SPINDOC: variants seen among roughly 807,000 people sequenced by gnomAD.
SPINDOC encodes the protein spindlin interactor and repressor of chromatin-binding protein.
A neutral mutation model predicts 30.7 loss-of-function variants in SPINDOC; 13 were observed. That is an observed-to-expected ratio of 0.42 (90% CI 0.28 to 0.67). The LOEUF is 0.67. SPINDOC is among the 30% of genes least tolerant of loss of function. SPINDOC has a pLI of 0.22. For synonymous variants in SPINDOC, 228 were observed against 211.4 expected (o/e 1.08, Z -0.68); for missense variants, 438 against 518.0 (o/e 0.85, Z 1.50).
intron 5 of SPINDOC, chr11:63,823,064 G>A: frequency 8.7e-7 from 1 of 1,152,360 alleles, no homozygotes; most frequent in Non-Finnish European, 1.2e-6. Context: ...CCTGGAGCCT[G>A]TGCCCGAGGG....
In SPINDOC at chr11:63,813,775, T is replaced by A; in HGVS notation, c.89T>A (p.Val30Glu). 6.3e-7 allele frequency: 1 copy of A among 1,590,570 alleles called. No homozygotes were observed. The highest frequency in any genetic ancestry group is 8.5e-7 in the Non-Finnish European group (1 of 1,169,630). The change falls in exon 1 of 6, where the codon GTG (valine) becomes GAG (glutamate). Residue 30 changes from valine to glutamate, a missense_variant. By Grantham distance (121) the Val-to-Glu change is moderately radical (BLOSUM62 -2). Transcript: ENST00000294244. ...GGGGAGGACGAGGAGGAGGCCATGG[T>A]GGTGGCCGTAATTCCGCGGCCCGAG... ...EEGEDEEEAM[V>E]VAVIPRPEPM... is the part of the protein sequence containing the mutation.
At chr11:63,815,144 G>C (rs1486858650) in intron 1 of SPINDOC, among the ~76,000 whole-genome samples, 1 of 152,248 alleles carries the variant, frequency 6.6e-6, no homozygotes, top group Non-Finnish European at 1.5e-5. Context: ...AAAGGAGAAA[G>C]AGGAGGAATG....
chr11:63,817,769 C>CT, intron 1 of SPINDOC, 36 bp from the exon 2 acceptor site: 1 of 1,505,892 alleles, frequency 6.6e-7, no homozygotes, highest in Non-Finnish European at 8.9e-7. Context: ...TTGTGGGCAC[C>CT]TTTAGTGATA....
intron 1 of SPINDOC, 41 bp downstream of exon 1, chr11:63,813,854 G>A (rs551061863): frequency 2.7e-6 from 4 of 1,478,706 alleles, no homozygotes; most frequent in East Asian, 5.4e-5. Flanking sequence ...CACGGTGCGG[G>A]GCCGGGGCTG....
chr11:63,813,893 G>T, intron 1 of SPINDOC, 80 bp downstream of exon 1: 1 of 1,402,756 alleles, frequency 7.1e-7, no homozygotes, highest in Non-Finnish European at 9.3e-7. Flanking sequence ...CGGGGTCCGG[G>T]ACCCGGGCAC....
At chr11:63,822,766 G>A in intron 5 of SPINDOC, 1 of 1,288,914 alleles carries the variant, frequency 7.8e-7, no homozygotes, top group Non-Finnish European at 1.0e-6. Context: ...CTGTCTAATG[G>A]GTCTTCTGAT....
At chr11:63,821,142 C>T (rs1275503411) in intron 5 of SPINDOC, among the ~76,000 whole-genome samples, 5 of 152,148 alleles carry the variant, frequency 3.3e-5, no homozygotes, top group Admixed American at 1.3e-4. Context: ...AAGCTGTTGG[C>T]AGGGCTGTGT....
In SPINDOC at chr11:63,826,923, C is replaced by T; in HGVS notation, c.935-5C>T. The stretch of plus-strand genomic sequence containing the variant: ...TGACTGCTCTCTGCTCTCATCCCTG[C>T]CCAGCTCCCCCTCCGGGGCTCCGCG... On this transcript the variant is annotated splice_polypyrimidine_tract_variant and splice_region_variant and intron_variant, in intron 5 of 5. Coordinates refer to ENST00000294244, the MANE Select transcript of SPINDOC (RefSeq NM_138471.3). 6.9e-7 allele frequency: 1 copy of T among 1,441,676 alleles called. No homozygotes were observed. The highest frequency in any genetic ancestry group is 9.7e-7 in the Non-Finnish European group (1 of 1,026,416). The allele number at this position is 1,441,676 out of a possible 1,614,324, so 89.3% of individuals were successfully genotyped here.
chr11:63,822,507 T>C, intron 5 of SPINDOC: 1 of 862,048 alleles, frequency 1.2e-6, no homozygotes, highest in South Asian at 1.4e-5. Context: ...CAGAGAGAGC[T>C]CTCTGTGTGT....
At chr11:63,825,255 C>T (rs1213902200) in intron 5 of SPINDOC, among the ~76,000 whole-genome samples, 1 of 152,200 alleles carries the variant, frequency 6.6e-6, no homozygotes, top group African/African-American at 2.4e-5. Flanking sequence ...TCTCCCCCCA[C>T]ATCCCGCTCC....
chr11:63,822,438 C>T (rs771862628), intron 5 of SPINDOC, among the ~76,000 whole-genome samples: 1 of 151,926 alleles, frequency 6.6e-6, no homozygotes, highest in Non-Finnish European at 1.5e-5. Flanking sequence ...CCACTCACCC[C>T]TCACAAAGTT....
intron 5 of SPINDOC, among the ~76,000 whole-genome samples, chr11:63,824,749 G>A (rs939635498): frequency 6.9e-6 from 1 of 144,028 alleles, no homozygotes; most frequent in African/African-American, 2.5e-5. Flanking sequence ...TGGCGACAGA[G>A]CGAGACTCCA....
At position 63,818,797 on chromosome 11, in the gene SPINDOC, TC is replaced by T; in HGVS notation, c.734-3del. 1 of 1,613,616 alleles carries T rather than the reference TC, an allele frequency of 6.2e-7. No homozygotes were observed. The highest frequency in any genetic ancestry group is 8.5e-7 in the Non-Finnish European group (1 of 1,180,000). ...CTCACAGTTCCATCCCGTCCTCCCTTCCAGAGCCCCCATCGCCAGACTCGCC... is the reference window on the plus strand; with the variant it reads ...CTCACAGTTCCATCCCGTCCTCCCTTCAGAGCCCCCATCGCCAGACTCGCC... On this transcript the variant is annotated splice_polypyrimidine_tract_variant and splice_region_variant and intron_variant, in intron 4 of 5. Coordinates refer to ENST00000294244, the MANE Select transcript of SPINDOC (RefSeq NM_138471.3). The surrounding 1 kb of genome is among the most constrained non-coding windows in gnomAD (Gnocchi z 5.3).
In SPINDOC at chr11:63,826,998, G is replaced by A. The variant is rs141038019; in HGVS notation, c.1005G>A (p.Ala335=). The change falls in exon 6 of 6, where the codon GCG becomes GCA. Residue 335 remains alanine, a synonymous_variant. Coordinates refer to ENST00000294244, the MANE Select transcript of SPINDOC (RefSeq NM_138471.3). The part of the protein sequence containing the change: ...VIRVRMEEPP[A]VSLLQDWSRH... ...GCGTGCGGATGGAGGAGCCCCCAGC[G>A]GTCAGCCTCCTGCAAGACTGGTCCA... 112 of 1,613,910 alleles carry A rather than the reference G, an allele frequency of 6.9e-5. 1 individual carries two copies. The highest frequency in any genetic ancestry group is 7.6e-5 in the Non-Finnish European group (90 of 1,179,952).
In SPINDOC at chr11:63,818,720, G is replaced by C; in HGVS notation, c.733+68G>C. The C allele has an allele frequency of 6.2e-7, 1 of 1,611,848 alleles. No individual in the cohort carries two copies. On this transcript the variant is annotated intron_variant, in intron 4 of 5. Transcript: ENST00000294244. The surrounding 1 kb of genome is among the most constrained non-coding windows in gnomAD (Gnocchi z 5.3). ...GCTCTGAGGAAATCCGCATCAGTGAGGATGGAGCAGGGCCTGGGCGCAGGG... is the reference window on the plus strand; with the variant it reads ...GCTCTGAGGAAATCCGCATCAGTGACGATGGAGCAGGGCCTGGGCGCAGGG...
chr11:63,819,041 CA>C (rs2015436127), intron 5 of SPINDOC, 39 bp downstream of exon 5: 7 of 1,375,578 alleles, frequency 5.1e-6, no homozygotes, highest in Non-Finnish European at 6.8e-6. Flanking sequence ...AGGGACCTCG[CA>C]GGCAGCGCTC....
At chr11:63,815,768 ATT>A (rs34469401) in intron 1 of SPINDOC, among the ~76,000 whole-genome samples, 9 of 142,162 alleles carry the variant, frequency 6.3e-5, no homozygotes, top group Non-Finnish European at 9.3e-5. Flanking sequence ...ATGGTCATGG[ATT>A]TTTTTTTTTT....
chr11:63,818,706 A>G lies in SPINDOC; in HGVS notation c.733+54A>G. 1.2e-6 allele frequency: 2 copies of G among 1,611,912 alleles called. No homozygotes were observed. Among genetic ancestry groups the G allele is most frequent in the East Asian group, 2.2e-5 (1 of 44,850 alleles). ...GCTCTGGCCGCAGTGCTCTGAGGAA[A>G]TCCGCATCAGTGAGGATGGAGCAGG... On this transcript the variant is annotated intron_variant, in intron 4 of 5. Transcript: ENST00000294244. This position sits in a 1 kb window ranked among gnomAD's most constrained non-coding sequence, Gnocchi z 5.3.
At chr11:63,819,339 T>G (rs981937451) in intron 5 of SPINDOC, among the ~76,000 whole-genome samples, 1 of 152,184 alleles carries the variant, frequency 6.6e-6, no homozygotes. Context: ...CCCTCCCTAG[T>G]AGCTGGGATT....
Sources: allele counts gnomAD v4.1 joint callset (sites outside exome capture counted in the v4.1 genomes callset), GRCh38; gene constraint gnomAD v4.1.1; non-coding constraint Gnocchi (gnomAD v3.1); transcripts MANE v1.5; gene names NCBI Gene and HGNC (gene_info 2026-07-23, HGNC 2026-07-21).